Variants in MAGI1 observed in about 807,000 individuals in gnomAD.
MAGI1 encodes membrane associated guanylate kinase, WW and PDZ domain containing 1.
In MAGI1, 58 loss-of-function variants were observed where a neutral mutation model predicts 139.9. That is an observed-to-expected ratio of 0.41 (90% CI 0.34 to 0.52). The LOEUF (loss-of-function observed/expected upper bound fraction) is 0.52, where lower values mean the gene tolerates loss of function less well. Ranked by LOEUF, MAGI1 falls within the 20% of genes least tolerant of loss-of-function variation. The pLI, the probability that MAGI1 is intolerant of heterozygous loss-of-function variation, is 0.12. For missense variants in MAGI1, 1,874 were observed against 1,901.6 expected (o/e 0.99, Z 0.27); for synonymous variants, 812 against 737.9 (o/e 1.10, Z -1.63).
chr3:65,539,794 A>G (rs905372209), intron 2 of MAGI1, among the ~76,000 whole-genome samples: 2 of 152,158 alleles, frequency 1.3e-5, no homozygotes, highest in Non-Finnish European at 2.9e-5. Context: ...TTACATACCA[A>G]TGCTTTCTAA....
intron 1 of MAGI1, among the ~76,000 whole-genome samples, chr3:65,671,323 T>C (rs953488044): frequency 6.6e-6 from 1 of 152,154 alleles, no homozygotes; most frequent in African/African-American, 2.4e-5. Context: ...TCTGCATTGC[T>C]ATGCACTGTA....
intron 1 of MAGI1, among the ~76,000 whole-genome samples, chr3:65,633,575 T>A (rs1438750177): frequency 2.0e-5 from 3 of 152,316 alleles, no homozygotes; most frequent in Middle Eastern, 3.4e-3. Context: ...AATCTTTTTA[T>A]TATAAATTTC....
At chr3:65,576,999 C>G (rs1371886298) in intron 2 of MAGI1, among the ~76,000 whole-genome samples, 1 of 152,194 alleles carries the variant, frequency 6.6e-6, no homozygotes, top group Non-Finnish European at 1.5e-5. Context: ...CAACAAATAG[C>G]TGTAAGTAAA....
At chr3:65,672,866 T>A (rs1398463955) in intron 1 of MAGI1, among the ~76,000 whole-genome samples, 1 of 152,222 alleles carries the variant, frequency 6.6e-6, no homozygotes, top group Non-Finnish European at 1.5e-5. Flanking sequence ...TTATTTCAAT[T>A]CTTTATGAGT....
At chr3:66,000,853 C>A (rs1318330838) in intron 1 of MAGI1, among the ~76,000 whole-genome samples, 1 of 152,188 alleles carries the variant, frequency 6.6e-6, no homozygotes, top group Non-Finnish European at 1.5e-5. Flanking sequence ...TTAATGAAAA[C>A]CCATGGCAGG....
At chr3:65,541,538 C>T (rs573918143) in intron 2 of MAGI1, among the ~76,000 whole-genome samples, 17 of 152,072 alleles carry the variant, frequency 1.1e-4, no homozygotes, top group Non-Finnish European at 1.9e-4. Context: ...ACTGGCAAAC[C>T]GAATCCAGCA....
chr3:65,414,421 C>T (rs1270757163), intron 12 of MAGI1, among the ~76,000 whole-genome samples: 3 of 152,136 alleles, frequency 2.0e-5, no homozygotes, highest in East Asian at 1.9e-4. Context: ...GCCTTGAATC[C>T]GAACGCTTTC....
intron 1 of MAGI1, among the ~76,000 whole-genome samples, chr3:65,720,284 G>A (rs912294723): frequency 6.6e-6 from 1 of 152,052 alleles, no homozygotes; most frequent in Non-Finnish European, 1.5e-5. Flanking sequence ...AGGAAGAGGG[G>A]TCCTGTGCTG....
chr3:65,386,138 C>T (rs1943429311), intron 14 of MAGI1, among the ~76,000 whole-genome samples: 1 of 151,998 alleles, frequency 6.6e-6, no homozygotes, highest in Non-Finnish European at 1.5e-5. Context: ...TACAGTGACA[C>T]CAAATGTAAC....
intron 1 of MAGI1, among the ~76,000 whole-genome samples, chr3:65,677,802 G>C (rs534711753): frequency 9.8e-5 from 15 of 152,308 alleles, no homozygotes; most frequent in Admixed American, 9.2e-4. Flanking sequence ...TAAATCACTG[G>C]AAGTGCTGCA....
intron 1 of MAGI1, among the ~76,000 whole-genome samples, chr3:65,858,997 G>A (rs997999653): frequency 2.6e-5 from 4 of 152,192 alleles, no homozygotes; most frequent in Admixed American, 6.5e-5. Flanking sequence ...TCATGTACAC[G>A]TTGGCCTGCT....
At chr3:65,947,351 A>G (rs2063587694) in intron 1 of MAGI1, among the ~76,000 whole-genome samples, 1 of 152,220 alleles carries the variant, frequency 6.6e-6, no homozygotes, top group Admixed American at 6.5e-5. Flanking sequence ...TAAGGTATAA[A>G]TATCTCCTAA....
At chr3:65,501,795 T>A (rs959854962) in intron 2 of MAGI1, among the ~76,000 whole-genome samples, 1 of 152,212 alleles carries the variant, frequency 6.6e-6, no homozygotes, top group Admixed American at 6.5e-5. Context: ...CAAAACTTTA[T>A]GAAAACAACC....
At chr3:65,866,599 A>G (rs1398290304) in intron 1 of MAGI1, among the ~76,000 whole-genome samples, 1 of 152,092 alleles carries the variant, frequency 6.6e-6, no homozygotes, top group African/African-American at 2.4e-5. Context: ...CTTTGGAACA[A>G]AAGAACTAAA....
intron 1 of MAGI1, among the ~76,000 whole-genome samples, chr3:65,850,680 C>T (rs1263331347): frequency 2.0e-5 from 3 of 152,202 alleles, no homozygotes; most frequent in African/African-American, 7.2e-5. Context: ...GACCAATAAG[C>T]AGTGCTTTAG....
At chr3:65,503,592 C>T (rs553823956) in intron 2 of MAGI1, among the ~76,000 whole-genome samples, 1 of 151,492 alleles carries the variant, frequency 6.6e-6, no homozygotes, top group Non-Finnish European at 1.5e-5. Context: ...CCAGCTATAA[C>T]TTGCATGTTT....
At chr3:65,708,363 G>A (rs893074870) in intron 1 of MAGI1, among the ~76,000 whole-genome samples, 4 of 147,622 alleles carry the variant, frequency 2.7e-5, no homozygotes, top group African/African-American at 1.0e-4. Flanking sequence ...AAGCTCTTCT[G>A]TGCCTGAGGA....
chr3:65,466,310 T>A (rs899512875), intron 5 of MAGI1, among the ~76,000 whole-genome samples: 5 of 152,170 alleles, frequency 3.3e-5, no homozygotes, highest in African/African-American at 1.2e-4. Flanking sequence ...TGATTTTTTT[T>A]ATTAACATGG....
At chr3:65,960,189 T>C (rs1020549111) in intron 1 of MAGI1, among the ~76,000 whole-genome samples, 2 of 152,154 alleles carry the variant, frequency 1.3e-5, no homozygotes, top group African/African-American at 4.8e-5. Flanking sequence ...GCTCTGTATG[T>C]TTCCGGAGTG....
Sources: allele counts gnomAD v4.1 joint callset (sites outside exome capture counted in the v4.1 genomes callset), GRCh38; gene constraint gnomAD v4.1.1; transcripts MANE v1.5; gene names NCBI Gene and HGNC (gene_info 2026-07-23, HGNC 2026-07-21).